The following MS4A4A variants were observed in gnomAD, a reference collection of about 807,000 sequenced individuals.
The protein encoded by MS4A4A is membrane spanning 4-domains A4A.
MS4A4A carries 26 observed loss-of-function variants against 28.0 expected under a neutral mutation model. The ratio of observed to expected loss-of-function variants is 0.93; its 90% CI spans 0.68 to 1.29. The LOEUF (loss-of-function observed/expected upper bound fraction) is 1.29, where lower values mean the gene tolerates loss of function less well. Ranked by LOEUF, MS4A4A falls within the 50% of genes most tolerant of loss-of-function variation. The pLI, the probability that MS4A4A is intolerant of heterozygous loss-of-function variation, is 0.00. For missense variants in MS4A4A, 290 were observed against 293.1 expected (o/e 0.99, Z 0.08); for synonymous variants, 86 against 100.8 (o/e 0.85, Z 0.88).
At chr11:60,302,274 C>G (rs1349145879) in intron 4 of MS4A4A, among the ~76,000 whole-genome samples, 1 of 152,054 alleles carries the variant, frequency 6.6e-6, no homozygotes, top group Non-Finnish European at 1.5e-5. Context: ...ACAGGGCTGT[C>G]CAGCTAAAGT....
In MS4A4A at chr11:60,284,882, C is replaced by T. The variant is rs529120764; in HGVS notation, c.41+4166C>T. On this transcript the variant is annotated intron_variant, in intron 1 of 6. Coordinates refer to ENST00000337908, the MANE Select transcript of MS4A4A (RefSeq NM_148975.3). ...ATTTTGTTAAACATCAGAGAACTGT[C>T]CCCCTCTGGGCTTAATTTAAAGTCA... is the stretch of plus-strand genomic sequence containing the variant. 3.3e-5 allele frequency among the ~76,000 whole-genome samples: 5 copies of T among 152,320 alleles called. No homozygotes were observed. The South Asian group carries it at 1.0e-3, about 32-fold the overall frequency.
Position 60,287,145 on chromosome 11 carries a change from C to T in MS4A4A, c.42-5080C>T, listed in dbSNP as rs149715533. 5.3e-5 allele frequency among the ~76,000 whole-genome samples: 8 copies of T among 152,316 alleles called. No individual in the cohort carries two copies. In the East Asian group the frequency reaches 1.5e-3, roughly 29 times the overall value. ...TGTTTGTTGAAACAAGAACTCTAGA[C>T]TTGTACTGTCCTCCCACAAAACTAA... On this transcript the variant is annotated intron_variant, in intron 1 of 6. Coordinates refer to ENST00000337908, the MANE Select transcript of MS4A4A (RefSeq NM_148975.3).
intron 1 of MS4A4A, among the ~76,000 whole-genome samples, chr11:60,285,734 T>G (rs551744972): frequency 2.0e-5 from 3 of 152,070 alleles, no homozygotes; most frequent in African/African-American, 7.2e-5. Flanking sequence ...GTCACAGAGA[T>G]CACATGCTTC....
At chr11:60,305,251 C>T (rs1016066606) in intron 5 of MS4A4A, among the ~76,000 whole-genome samples, 1 of 152,190 alleles carries the variant, frequency 6.6e-6, no homozygotes, top group African/African-American at 2.4e-5. Context: ...GTTGTATTAG[C>T]TTCTTATTGT....
intron 2 of MS4A4A, among the ~76,000 whole-genome samples, chr11:60,294,892 A>ACTACTACTTCTACTTCTTCTTCTT (rs60374079): frequency 7.6e-6 from 1 of 130,846 alleles, no homozygotes; most frequent in Non-Finnish European, 1.7e-5. Context: ...TACAACTACT[A>ACTACTACTTCTACTTCTTCTTCTT]CTTCTTCTTC....
chr11:60,288,165 C>T (rs569623044), intron 1 of MS4A4A, among the ~76,000 whole-genome samples: 7 of 152,322 alleles, frequency 4.6e-5, no homozygotes, highest in African/African-American at 1.7e-4. Context: ...GATGGAGGCT[C>T]TTTGAAGTGG....
chr11:60,281,519 C>T (rs2135005210), intron 1 of MS4A4A, among the ~76,000 whole-genome samples: 1 of 152,290 alleles, frequency 6.6e-6, no homozygotes, highest in East Asian at 1.9e-4. Context: ...CCCCCTTTTC[C>T]CTTCCCATGC....
At chr11:60,297,150 C>A in intron 2 of MS4A4A, 47 bp from the exon 3 acceptor site, 1 of 1,608,072 alleles carries the variant, frequency 6.2e-7, no homozygotes, top group South Asian at 1.1e-5. Context: ...GCGGAAGCAC[C>A]ATTTTTGTGG....
intron 6 of MS4A4A, among the ~76,000 whole-genome samples, chr11:60,307,406 G>T (rs920813287): frequency 3.3e-5 from 5 of 152,170 alleles, no homozygotes; most frequent in African/African-American, 1.2e-4. Flanking sequence ...AATTACCAAT[G>T]ATTTTATAAT....
chr11:60,294,505 G>T (rs554470253), intron 2 of MS4A4A, among the ~76,000 whole-genome samples: 2 of 152,058 alleles, frequency 1.3e-5, no homozygotes, highest in Admixed American at 1.3e-4. Flanking sequence ...TGTGCCTTTG[G>T]TATCGTATTG....
chr11:60,297,362 A>G, intron 3 of MS4A4A, 37 bp downstream of exon 3: 4 of 1,607,348 alleles, frequency 2.5e-6, no homozygotes, highest in Non-Finnish European at 3.4e-6. Flanking sequence ...TGAAGATAAC[A>G]TAAAGCAGTT....
At chr11:60,292,138 T>C in intron 1 of MS4A4A, 87 bp from the exon 2 acceptor site, 1 of 1,422,554 alleles carries the variant, frequency 7.0e-7, no homozygotes, top group South Asian at 1.6e-5. Flanking sequence ...GACCAGATTC[T>C]GTCCTTAGGG....
chr11:60,300,864 T>A (rs759306700), intron 3 of MS4A4A, 137 bp from the exon 4 acceptor site: 8 of 581,320 alleles, frequency 1.4e-5, no homozygotes, highest in Admixed American at 3.7e-5. Context: ...GGGAAAATAA[T>A]GTGCAAACCT....
chr11:60,299,656 G>C (rs545012605), intron 3 of MS4A4A, among the ~76,000 whole-genome samples: 1 of 151,692 alleles, frequency 6.6e-6, no homozygotes, highest in Non-Finnish European at 1.5e-5. Flanking sequence ...TGTATTTTTA[G>C]TACAGACGGG....
chr11:60,299,414 G>A (rs1039137454), intron 3 of MS4A4A, among the ~76,000 whole-genome samples: 7 of 146,250 alleles, frequency 4.8e-5, no homozygotes, highest in Non-Finnish European at 7.5e-5. Context: ...TTTAGACTGA[G>A]ACAGATTTCT....
chr11:60,299,610 C>A (rs1301457750), intron 3 of MS4A4A, among the ~76,000 whole-genome samples: 1 of 151,894 alleles, frequency 6.6e-6, no homozygotes, highest in East Asian at 1.9e-4. Context: ...GTAGCTGGAA[C>A]TACAGGCACC....
chr11:60,293,946 G>A (rs939491240), intron 2 of MS4A4A, among the ~76,000 whole-genome samples: 1 of 152,218 alleles, frequency 6.6e-6, no homozygotes, highest in Non-Finnish European at 1.5e-5. Flanking sequence ...TGCAGGTCAT[G>A]TGTGGACATA....
intron 1 of MS4A4A, chr11:60,282,646 T>A: frequency 7.8e-7 from 1 of 1,286,600 alleles, no homozygotes; most frequent in Non-Finnish European, 1.0e-6. Context: ...TATATGCAGA[T>A]GTCTCAATAT....
At position 60,299,148 on chromosome 11, in the gene MS4A4A, A is replaced by G. The variant is rs567568653; in HGVS notation, c.330+1823A>G. Among the ~76,000 whole-genome samples the G allele has an allele frequency of 2.0e-5, 3 of 152,328 alleles. No individual in the cohort carries two copies. The East Asian group carries it at 5.8e-4, about 29-fold the overall frequency. On this transcript the variant is annotated intron_variant, in intron 3 of 6. Transcript: ENST00000337908. ...ATGTGTATATATAATTTCTGTATAGAATGTTTTTCCAAGGTGCCTTATTGA... is the reference window on the plus strand; with the variant it reads ...ATGTGTATATATAATTTCTGTATAGGATGTTTTTCCAAGGTGCCTTATTGA...
Sources: allele counts gnomAD v4.1 joint callset (sites outside exome capture counted in the v4.1 genomes callset), GRCh38; gene constraint gnomAD v4.1.1; transcripts MANE v1.5; gene names NCBI Gene and HGNC (gene_info 2026-07-23, HGNC 2026-07-21).